Variants in KLHL6 observed in about 807,000 individuals in gnomAD.
KLHL6 encodes kelch-like protein 6.
Under a neutral mutation model 58.6 loss-of-function variants are expected in KLHL6, and 41 were observed. That is an observed-to-expected ratio of 0.70 (90% CI 0.55 to 0.91). The LOEUF (loss-of-function observed/expected upper bound fraction) is 0.91. Among genes scored for constraint, KLHL6 ranks in the 40% least tolerant of loss-of-function variants. KLHL6 has a pLI of 0.00. For missense variants in KLHL6, 714 were observed against 805.6 expected, an observed-to-expected ratio of 0.89 and a Z score of 1.38; for synonymous variants, 338 against 322.7, an observed-to-expected ratio of 1.05 and a Z score of -0.51.
At chr3:183,538,660 G>A (rs940891192) in intron 1 of KLHL6, among the ~76,000 whole-genome samples, 1 of 152,166 alleles carries the variant, frequency 6.6e-6, no homozygotes, top group Non-Finnish European at 1.5e-5. Flanking sequence ...ATCAAAGGGG[G>A]TTCCATTGCA....
intron 2 of KLHL6, among the ~76,000 whole-genome samples, chr3:183,517,960 C>A (rs1414326982): frequency 6.6e-6 from 1 of 152,198 alleles, no homozygotes; most frequent in African/African-American, 2.4e-5. Flanking sequence ...TGAACACAGG[C>A]AGCTGCAATA....
intron 2 of KLHL6, among the ~76,000 whole-genome samples, chr3:183,519,895 C>CAAA (rs56101517): frequency 4.9e-4 from 41 of 83,176 alleles, no homozygotes; most frequent in African/African-American, 9.6e-4. Context: ...AACCCTGTCT[C>CAAA]AAAAAAAAAA....
chr3:183,494,295 A>G lies in KLHL6; in HGVS notation c.1148-14T>C. 1 of 1,600,066 alleles carries G rather than the reference A, an allele frequency of 6.2e-7. No homozygotes were observed. The highest frequency in any genetic ancestry group is 8.6e-7 in the Non-Finnish European group (1 of 1,167,546). Reference sequence around the variant, plus strand: ...TTTCTTTGCCACCTGCAAGAGATACAAAGCATTTAAGAAACCATCAGATGT... The same window carrying G: ...TTTCTTTGCCACCTGCAAGAGATACGAAGCATTTAAGAAACCATCAGATGT... On this transcript the variant is annotated splice_polypyrimidine_tract_variant and intron_variant, in intron 4 of 6. Coordinates refer to ENST00000341319, the MANE Select transcript of KLHL6 (RefSeq NM_130446.4).
intron 1 of KLHL6, among the ~76,000 whole-genome samples, chr3:183,531,718 T>A (rs1712171841): frequency 2.0e-5 from 3 of 152,192 alleles, no homozygotes; most frequent in African/African-American, 7.2e-5. Context: ...AGTGCTGGGA[T>A]TACAGGCGTG....
chr3:183,500,944 TAGTC>T (rs1405937246), intron 3 of KLHL6, among the ~76,000 whole-genome samples: 1 of 152,198 alleles, frequency 6.6e-6, no homozygotes, highest in Non-Finnish European at 1.5e-5. Context: ...GAGCCACAAA[TAGTC>T]AGACCAGCCA....
chr3:183,492,913 C>G lies in KLHL6; in HGVS notation c.1351-206G>C. On this transcript the variant is annotated intron_variant, in intron 5 of 6. Transcript: ENST00000341319. This position sits in a 1 kb window ranked among gnomAD's most constrained non-coding sequence, Gnocchi z 5.9. ...ACCCTCCCTCCAGGCTCCACGCAAG[C>G]TAGAGCAAGCTGTGTGTTGGGATGT... is the stretch of plus-strand genomic sequence containing the variant. The G allele has an allele frequency of 1.8e-6, 1 of 556,378 alleles. No homozygotes were observed. The highest frequency in any genetic ancestry group is 2.0e-5 in the South Asian group (1 of 49,204). The allele number at this position is 556,378 out of a possible 1,614,324, so 34.5% of individuals were successfully genotyped here.
chr3:183,509,755 G>C (rs1159360183), intron 2 of KLHL6, among the ~76,000 whole-genome samples: 1 of 152,134 alleles, frequency 6.6e-6, no homozygotes, highest in Non-Finnish European at 1.5e-5. Flanking sequence ...AAACCGTCCA[G>C]AGTAAGTCAC....
At chr3:183,506,299 T>C (rs770401984) in intron 3 of KLHL6, among the ~76,000 whole-genome samples, 1 of 152,232 alleles carries the variant, frequency 6.6e-6, no homozygotes, top group Non-Finnish European at 1.5e-5. Flanking sequence ...CCAAATGACA[T>C]GTTTATTCAC....
At chr3:183,521,918 C>A (rs1443808494) in intron 2 of KLHL6, 1 of 150,050 alleles carries the variant, frequency 6.7e-6, no homozygotes, top group Non-Finnish European at 1.5e-5. Context: ...TGGTCTCGAA[C>A]TCCTGACCTC....
At chr3:183,553,661 A>G (rs1365787443) in intron 1 of KLHL6, among the ~76,000 whole-genome samples, 2 of 152,182 alleles carry the variant, frequency 1.3e-5, no homozygotes, top group African/African-American at 4.8e-5. Flanking sequence ...CTTCCCATGG[A>G]ATGAAGTCCC....
intron 2 of KLHL6, among the ~76,000 whole-genome samples, chr3:183,510,524 C>A (rs954230005): frequency 1.3e-5 from 2 of 152,256 alleles, no homozygotes; most frequent in Admixed American, 1.3e-4. Flanking sequence ...TTTGGATCAA[C>A]CTCTATTGCA....
At position 183,489,296 on chromosome 3, in the gene KLHL6, A is replaced by G. The variant is rs1408134282; in HGVS notation, c.*2631T>C. 6.6e-6 allele frequency: 1 copy of G among 152,154 alleles called. No individual in the cohort carries two copies. The highest frequency in any genetic ancestry group is 1.9e-4 in the East Asian group (1 of 5,188). 9.4% of individuals were successfully genotyped at this position (152,154 alleles called of 1,614,324 possible). ...CTTTTCCTTCACAAATCAGTTCACAAATGGTTCTGGTGGCGATCTCAAAGA... is the reference window on the plus strand; with the variant it reads ...CTTTTCCTTCACAAATCAGTTCACAGATGGTTCTGGTGGCGATCTCAAAGA... On this transcript the variant is annotated 3_prime_UTR_variant, in exon 7 of 7. Coordinates refer to ENST00000341319, the MANE Select transcript of KLHL6 (RefSeq NM_130446.4).
chr3:183,498,227 C>G (rs1268058194), intron 4 of KLHL6, among the ~76,000 whole-genome samples: 1 of 152,082 alleles, frequency 6.6e-6, no homozygotes, highest in African/African-American at 2.4e-5. Flanking sequence ...GAGCTAGACT[C>G]TGTCTCAAAA....
chr3:183,542,467 G>A (rs938543235), intron 1 of KLHL6, among the ~76,000 whole-genome samples: 3 of 152,080 alleles, frequency 2.0e-5, no homozygotes, highest in African/African-American at 7.2e-5. Flanking sequence ...TCTTTGCCTG[G>A]AATGCTCCTC....
intron 4 of KLHL6, among the ~76,000 whole-genome samples, chr3:183,495,790 G>A (rs1188379734): frequency 1.3e-5 from 2 of 152,024 alleles, no homozygotes; most frequent in Non-Finnish European, 1.5e-5. Flanking sequence ...GAAGAAGGAG[G>A]CTTTCCTTAT....
intron 1 of KLHL6, among the ~76,000 whole-genome samples, chr3:183,543,539 C>T (rs1712621773): frequency 6.6e-6 from 1 of 152,208 alleles, no homozygotes; most frequent in African/African-American, 2.4e-5. Flanking sequence ...TTTCCCTAAT[C>T]TCTGTTCTCT....
At position 183,539,737 on chromosome 3, in the gene KLHL6, T is replaced by C. The variant is rs747446744; in HGVS notation, c.294-11727A>G. ...AAAAAAAAACAAAAAAACAACTCCC[T>C]TCTGCCAAGCTTCTTGCCCTAGTTC... On this transcript the variant is annotated intron_variant, in intron 1 of 6. Transcript: ENST00000341319. 3.0e-4 allele frequency among the ~76,000 whole-genome samples: 45 copies of C among 150,032 alleles called. 1 individual carries two copies. The highest frequency in any genetic ancestry group is 6.0e-4 in the Non-Finnish European group (41 of 67,846).
chr3:183,538,459 C>T (rs956658054), intron 1 of KLHL6, among the ~76,000 whole-genome samples: 4 of 152,170 alleles, frequency 2.6e-5, no homozygotes, highest in Non-Finnish European at 5.9e-5. Flanking sequence ...GAACGAACTC[C>T]CCTGTTTCAC....
intron 2 of KLHL6, among the ~76,000 whole-genome samples, chr3:183,511,721 C>G (rs1007427272): frequency 1.3e-5 from 2 of 152,186 alleles, no homozygotes; most frequent in African/African-American, 4.8e-5. Flanking sequence ...CAAGGCACAT[C>G]CTGCACAGCC....
Sources: gnomAD v4.1 joint callset for allele counts (sites outside exome capture counted in the v4.1 genomes callset) on GRCh38, gnomAD v4.1.1 for gene constraint, Gnocchi (gnomAD v3.1) non-coding constraint, MANE v1.5 for transcripts, NCBI Gene and HGNC (gene_info 2026-07-23, HGNC 2026-07-21) for gene names.